Variants in ADAMTS6 observed in about 807,000 individuals in gnomAD.
The protein encoded by ADAMTS6 is ADAM metallopeptidase with thrombospondin type 1 motif 6.
A neutral mutation model predicts 144.3 loss-of-function variants in ADAMTS6; 23 were observed. That is an observed-to-expected ratio of 0.16 (90% confidence interval 0.11 to 0.23). The LOEUF (loss-of-function observed/expected upper bound fraction) is 0.23, where lower values mean the gene tolerates loss of function less well. ADAMTS6 is among the 10% of genes least tolerant of loss of function. The pLI is 1.00. For missense variants in ADAMTS6, 999 were observed against 1,379.6 expected, an observed-to-expected ratio of 0.72 and a Z score of 4.37; for synonymous variants, 444 against 457.5, an observed-to-expected ratio of 0.97 and a Z score of 0.38.
intron 9 of ADAMTS6, among the ~76,000 whole-genome samples, chr5:65,313,412 A>G (rs1256235492): frequency 2.6e-5 from 4 of 152,056 alleles, no homozygotes; most frequent in African/African-American, 9.7e-5. Context: ...GAAAATTTAC[A>G]TATATTGTAT....
At chr5:65,416,797 A>T (rs1052811929) in intron 7 of ADAMTS6, among the ~76,000 whole-genome samples, 7 of 151,170 alleles carry the variant, frequency 4.6e-5, no homozygotes, top group African/African-American at 7.3e-5. Flanking sequence ...AATAAAATAA[A>T]ATAATATAAA....
At chr5:65,425,099 C>T (rs1272089463) in intron 7 of ADAMTS6, among the ~76,000 whole-genome samples, 2 of 152,090 alleles carry the variant, frequency 1.3e-5, no homozygotes, top group Non-Finnish European at 2.9e-5. Context: ...CAGGTTCAAG[C>T]GATTCTCCTG....
intron 11 of ADAMTS6, among the ~76,000 whole-genome samples, chr5:65,275,664 A>G (rs559655410): frequency 1.6e-4 from 24 of 151,988 alleles, no homozygotes; most frequent in Middle Eastern, 3.4e-3. Flanking sequence ...CAGAACTTAA[A>G]GTAAAATAAA....
chr5:65,195,131 A>C (rs1377898950), intron 21 of ADAMTS6, among the ~76,000 whole-genome samples: 2 of 152,210 alleles, frequency 1.3e-5, no homozygotes, highest in African/African-American at 4.8e-5. Context: ...ATAGACTGAG[A>C]CTCACAATGA....
intron 7 of ADAMTS6, among the ~76,000 whole-genome samples, chr5:65,341,922 G>A (rs574649083): frequency 2.8e-4 from 43 of 152,040 alleles, no homozygotes; most frequent in Non-Finnish European, 5.6e-4. Context: ...CCTGATAAAT[G>A]TAGACACAAA....
At chr5:65,196,522 C>CAAAAAAAAAAAAAAAAAAA in intron 21 of ADAMTS6, among the ~76,000 whole-genome samples, 2 of 38,036 alleles carry the variant, frequency 5.3e-5, no homozygotes, top group Non-Finnish European at 5.2e-5. Flanking sequence ...GACTCCGTCT[C>CAAAAAAAAAAAAAAAAAAA]AAAAAAAAAA....
chr5:65,459,680 T>C (rs1325976913), intron 4 of ADAMTS6, among the ~76,000 whole-genome samples: 1 of 152,202 alleles, frequency 6.6e-6, no homozygotes, highest in Non-Finnish European at 1.5e-5. Flanking sequence ...AAGTCACTTC[T>C]TCCATGAAGC....
At chr5:65,278,137 C>T (rs1275616138) in intron 11 of ADAMTS6, among the ~76,000 whole-genome samples, 2 of 152,202 alleles carry the variant, frequency 1.3e-5, no homozygotes, top group Admixed American at 1.3e-4. Context: ...CAGCTCCATT[C>T]AAGCTGCTGC....
chr5:65,400,074 C>G (rs774124454), intron 7 of ADAMTS6, among the ~76,000 whole-genome samples: 16 of 152,142 alleles, frequency 1.1e-4, no homozygotes, highest in Non-Finnish European at 2.9e-5. Flanking sequence ...ATGTTTCACT[C>G]CTCTCACTTC....
At chr5:65,197,200 T>C (rs764932216) in intron 20 of ADAMTS6, 49 bp from the exon 21 acceptor site, 1 of 1,601,074 alleles carries the variant, frequency 6.2e-7, no homozygotes, top group East Asian at 2.2e-5. Flanking sequence ...TACCTTCCAT[T>C]AAGTTAGGTA....
intron 20 of ADAMTS6, among the ~76,000 whole-genome samples, chr5:65,198,353 A>C (rs532329930): frequency 6.6e-6 from 1 of 152,230 alleles, no homozygotes; most frequent in Admixed American, 6.5e-5. Context: ...GTTTCAAGTA[A>C]TAATGCCCTA....
chr5:65,360,692 C>G (rs1379771721), intron 7 of ADAMTS6, among the ~76,000 whole-genome samples: 2 of 151,880 alleles, frequency 1.3e-5, no homozygotes, highest in Non-Finnish European at 1.5e-5. Context: ...AATTCAAGAC[C>G]ATTTTTCTTA....
chr5:65,235,623 A>G (rs912993159), intron 15 of ADAMTS6, among the ~76,000 whole-genome samples: 1 of 152,188 alleles, frequency 6.6e-6, no homozygotes, highest in African/African-American at 2.4e-5. Context: ...CTCCCAGACT[A>G]TCTTTCTCCC....
chr5:65,416,813 G>T (rs1755574737), intron 7 of ADAMTS6, among the ~76,000 whole-genome samples: 1 of 150,398 alleles, frequency 6.6e-6, no homozygotes, highest in South Asian at 2.1e-4. Context: ...ATAAAATGTG[G>T]TATATCCCAA....
At chr5:65,236,313 C>T (rs568449908) in intron 15 of ADAMTS6, among the ~76,000 whole-genome samples, 1 of 152,214 alleles carries the variant, frequency 6.6e-6, no homozygotes, top group African/African-American at 2.4e-5. Context: ...CTTTTTCTTT[C>T]TTTTTTTCTA....
intron 4 of ADAMTS6, among the ~76,000 whole-genome samples, chr5:65,457,414 T>C (rs1368113795): frequency 6.6e-6 from 1 of 152,148 alleles, no homozygotes; most frequent in East Asian, 1.9e-4. Flanking sequence ...AAATAAGAGA[T>C]GGTAAGAGAA....
At position 65,370,615 on chromosome 5, in the gene ADAMTS6, G is replaced by A. The variant is rs576246196; in HGVS notation, c.1074-36530C>T. Among the ~76,000 whole-genome samples, 327 of 152,314 alleles carry A rather than the reference G, an allele frequency of 2.1e-3. 1 individual carries two copies. Among genetic ancestry groups the A allele is most frequent in the African/African-American group, 7.6e-3 (316 of 41,572 alleles). On this transcript the variant is annotated intron_variant, in intron 7 of 24. Transcript: ENST00000381055. Reference sequence around the variant, plus strand: ...CGAGATTATATCCCGCACCTGGATCGGAGGGTCCTACGCCCACGGAGTCTC... The same window carrying A: ...CGAGATTATATCCCGCACCTGGATCAGAGGGTCCTACGCCCACGGAGTCTC...
chr5:65,422,140 A>T (rs1756099078), intron 7 of ADAMTS6, among the ~76,000 whole-genome samples: 1 of 152,228 alleles, frequency 6.6e-6, no homozygotes, highest in Admixed American at 6.5e-5. Context: ...AAGGTGGGCA[A>T]ATGACACGAA....
Position 65,151,785 on chromosome 5 carries a change from G to C in ADAMTS6, c.*51C>G. The C allele has an allele frequency of 1.3e-6, 2 of 1,487,854 alleles. No individual in the cohort carries two copies. The highest frequency in any genetic ancestry group is 1.8e-4 in the Middle Eastern group (1 of 5,648). 92.2% of individuals were successfully genotyped at this position (1,487,854 alleles called of 1,614,324 possible). The stretch of plus-strand genomic sequence containing the variant: ...TTCCTCTGGGTGGCTCTCTTTGATG[G>C]ATGCATTTCCATGATGAAATGACAA... On this transcript the variant is annotated 3_prime_UTR_variant, in exon 25 of 25. Transcript: ENST00000381055.
Sources: allele counts gnomAD v4.1 joint callset (sites outside exome capture counted in the v4.1 genomes callset), GRCh38; gene constraint gnomAD v4.1.1; transcripts MANE v1.5; gene names NCBI Gene and HGNC (gene_info 2026-07-23, HGNC 2026-07-21).